The following RFTN1 variants were observed in gnomAD, a reference collection of about 807,000 sequenced individuals.
RFTN1 encodes raftlin.
In RFTN1, 26 loss-of-function variants were observed where a neutral mutation model predicts 46.5. The ratio of observed to expected loss-of-function variants is 0.56; its 90% CI spans 0.41 to 0.78. RFTN1 has a LOEUF of 0.78. Among genes scored for constraint, RFTN1 ranks in the 30% least tolerant of loss-of-function variants. The probability of loss-of-function intolerance (pLI) is 0.00; values close to 1 mark genes in which losing one functional copy is unlikely to be tolerated. For synonymous variants in RFTN1, 261 were observed against 284.2 expected (o/e 0.92, Z 0.82); for missense variants, 693 against 718.7 (o/e 0.96, Z 0.41).
rs145193073 is a variant in RFTN1, at chr3:16,461,495, G to A, written c.146-27458C>T. ...AGGAAACCCACACTAAATACCTAGG[G>A]TTTTTCTGTACTAATTGAACACACT... On this transcript the variant is annotated intron_variant, in intron 2 of 9. Transcript: ENST00000334133. Among the ~76,000 whole-genome samples, 964 of 152,162 alleles carry A rather than the reference G, an allele frequency of 6.3e-3. 15 individuals carry two copies. Among genetic ancestry groups the A allele is most frequent in the African/African-American group, 0.022 (930 of 41,474 alleles).
Position 16,387,570 on chromosome 3 carries a change from T to TCTC in RFTN1, c.442-9469_442-9468insGAG, listed in dbSNP as rs2074222998. On this transcript the variant is annotated intron_variant, in intron 4 of 9. Coordinates refer to ENST00000334133, the MANE Select transcript of RFTN1 (RefSeq NM_015150.2). This position sits in a 1 kb window ranked among gnomAD's most constrained non-coding sequence, Gnocchi z 5.2. ...CACTTCTCTCTTCTATATCCTCAATTTCTCTCTCTCTCTCTCTCTCTCTCT... is the reference window on the plus strand; with the variant it reads ...CACTTCTCTCTTCTATATCCTCAATTCTCTCTCTCTCTCTCTCTCTCTCTCTCT... Among the ~76,000 whole-genome samples, 1 of 116,416 alleles carries TCTC rather than the reference T, an allele frequency of 8.6e-6. No homozygotes were observed. The highest frequency in any genetic ancestry group is 1.7e-5 in the Non-Finnish European group (1 of 58,216). 76.4% of individuals were successfully genotyped at this position (116,416 alleles called of 152,430 possible).
Position 16,317,395 on chromosome 3 carries a change from A to G in RFTN1, c.1333-163T>C, listed in dbSNP as rs2280247. Among the ~76,000 whole-genome samples the G allele has an allele frequency of 0.25, 37,700 of 151,444 alleles. 6,224 individuals carry two copies. Among genetic ancestry groups the G allele is most frequent in the African/African-American group, 0.48 (19,742 of 41,208 alleles). ...AGGCACCAAACTTGAATCGCACACT[A>G]TCACATCACACCCACCCCAAGAGCC... On this transcript the variant is annotated intron_variant, in intron 9 of 9. Transcript: ENST00000334133. This position sits in a 1 kb window ranked among gnomAD's most constrained non-coding sequence, Gnocchi z 4.3.
Position 16,450,919 on chromosome 3 carries a change from G to A in RFTN1, c.146-16882C>T, listed in dbSNP as rs2075812928. Among the ~76,000 whole-genome samples the A allele has an allele frequency of 6.6e-6, 1 of 152,104 alleles. No individual in the cohort carries two copies. Among genetic ancestry groups the A allele is most frequent in the South Asian group, 2.1e-4 (1 of 4,828 alleles). On this transcript the variant is annotated intron_variant, in intron 2 of 9. Transcript: ENST00000334133. This position sits in a 1 kb window ranked among gnomAD's most constrained non-coding sequence, Gnocchi z 4.6. Reference sequence around the variant, plus strand: ...TGGTGACTTTCACCACTTGGTTTTGGTCCTGTTGACTACAGAGGGCCTCTG... The same window carrying A: ...TGGTGACTTTCACCACTTGGTTTTGATCCTGTTGACTACAGAGGGCCTCTG...
chr3:16,496,396 G>T (rs1328045529), intron 1 of RFTN1, among the ~76,000 whole-genome samples: 1 of 152,190 alleles, frequency 6.6e-6, no homozygotes, highest in Non-Finnish European at 1.5e-5. Context: ...ATAAGGAAAA[G>T]ATACACTACC....
rs1262197235 is a variant in RFTN1 at position 16,345,843 on chromosome 3, C to T, written c.1146+12089G>A. ...GCGCGCGCGCGTGCGCGCACGCGCA[C>T]ATGTGCATGTGTATGTGTATAATCT... On this transcript the variant is annotated intron_variant, in intron 7 of 9. Transcript: ENST00000334133. This position sits in a 1 kb window ranked among gnomAD's most constrained non-coding sequence, Gnocchi z 5.2. Among the ~76,000 whole-genome samples, 3 of 77,528 alleles carry T rather than the reference C, an allele frequency of 3.9e-5. No individual in the cohort carries two copies. Among genetic ancestry groups the T allele is most frequent in the African/African-American group, 1.3e-4 (2 of 15,074 alleles). The allele number at this position is 77,528 out of a possible 152,430, so 50.9% of individuals were successfully genotyped here. A position where few individuals can be genotyped will look rare whatever the true frequency, so the allele number is the denominator to read the frequency against.
In RFTN1 at chr3:16,344,839, G is replaced by T. The variant is rs545254434; in HGVS notation, c.1146+13093C>A. Among the ~76,000 whole-genome samples, 5 of 152,236 alleles carry T rather than the reference G, an allele frequency of 3.3e-5. 1 individual carries two copies. In the East Asian group the frequency reaches 9.6e-4, roughly 29 times the overall value. On this transcript the variant is annotated intron_variant, in intron 7 of 9. Coordinates refer to ENST00000334133, the MANE Select transcript of RFTN1 (RefSeq NM_015150.2). This position sits in a 1 kb window ranked among gnomAD's most constrained non-coding sequence, Gnocchi z 4.4. ...TGAATTTCAAAGAACATATTTCAAG[G>T]AGTGGTAGTGAGTGAACACATAACT...
chr3:16,486,242 A>G (rs1313604375), intron 2 of RFTN1, among the ~76,000 whole-genome samples: 2 of 151,782 alleles, frequency 1.3e-5, no homozygotes, highest in Admixed American at 6.6e-5. Context: ...TGGTTTCTAT[A>G]TGTTTCCCCT....
chr3:16,469,577 G>A (rs533675630), intron 2 of RFTN1, among the ~76,000 whole-genome samples: 8 of 152,166 alleles, frequency 5.3e-5, no homozygotes, highest in African/African-American at 1.9e-4. Context: ...CGCAAAGTGG[G>A]ACTCCAGGAT....
chr3:16,436,926 G>A (rs534930893), intron 2 of RFTN1, among the ~76,000 whole-genome samples: 3 of 152,228 alleles, frequency 2.0e-5, no homozygotes, highest in South Asian at 2.1e-4. Flanking sequence ...TTAAAAATCA[G>A]CTCAGTAAAT....
In RFTN1 at chr3:16,479,181, G is replaced by GGA; in HGVS notation, c.145+14542_145+14543dup. On this transcript the variant is annotated intron_variant, in intron 2 of 9. Transcript: ENST00000334133. This position sits in a 1 kb window ranked among gnomAD's most constrained non-coding sequence, Gnocchi z 5.1. The stretch of plus-strand genomic sequence containing the variant: ...AGTACTCTAACATTCCTTGCAGGTA[G>GGA]GAGAACAAAACCTTGGCTGGTTCAC... Among the ~76,000 whole-genome samples the GGA allele has an allele frequency of 6.6e-6, 1 of 152,266 alleles. No homozygotes were observed. Among genetic ancestry groups the GGA allele is most frequent in the Non-Finnish European group, 1.5e-5 (1 of 68,008 alleles).
At chr3:16,331,449 T>C (rs2070301330) in intron 7 of RFTN1, among the ~76,000 whole-genome samples, 1 of 152,230 alleles carries the variant, frequency 6.6e-6, no homozygotes, top group African/African-American at 2.4e-5. Context: ...TTTGCAAATA[T>C]TGCTCAATGC....
intron 2 of RFTN1, among the ~76,000 whole-genome samples, chr3:16,456,052 C>G (rs1184947225): frequency 1.4e-5 from 2 of 146,270 alleles, no homozygotes; most frequent in South Asian, 2.2e-4. Flanking sequence ...TGATCAAGGA[C>G]AGCAAATGAA....
chr3:16,463,377 C>A (rs914067901), intron 2 of RFTN1, among the ~76,000 whole-genome samples: 1 of 152,180 alleles, frequency 6.6e-6, no homozygotes, highest in African/African-American at 2.4e-5. Context: ...ATTTTTCCCT[C>A]TTTGCATTTC....
rs1205731774 is a variant in RFTN1 at position 16,404,370 on chromosome 3, TAATA to T, written c.441+5001_441+5004del. 3.1e-4 allele frequency among the ~76,000 whole-genome samples: 8 copies of T among 26,016 alleles called. 2 individuals carry two copies. Among genetic ancestry groups the T allele is most frequent in the Admixed American group, 2.3e-3 (3 of 1,304 alleles). The allele number at this position is 26,016 out of a possible 152,430, so 17.1% of individuals were successfully genotyped here. A position where few individuals can be genotyped will look rare whatever the true frequency, so the allele number is the denominator to read the frequency against. On this transcript the variant is annotated intron_variant, in intron 4 of 9. Transcript: ENST00000334133. ...ATATATAATATATATACACAATATA[TAATA>T]TATATAATATATAATATATATACAA...
At chr3:16,439,878 C>T (rs932228949) in intron 2 of RFTN1, among the ~76,000 whole-genome samples, 2 of 152,122 alleles carry the variant, frequency 1.3e-5, no homozygotes, top group African/African-American at 4.8e-5. Flanking sequence ...GGAGAGAAAA[C>T]TAACGTTTTA....
rs1031516943 is a variant in RFTN1, at chr3:16,424,497, A to C, written c.332+9354T>G. Among the ~76,000 whole-genome samples the C allele has an allele frequency of 6.6e-6, 1 of 152,362 alleles. No homozygotes were observed. Among genetic ancestry groups the C allele is most frequent in the African/African-American group, 2.4e-5 (1 of 41,598 alleles). The stretch of plus-strand genomic sequence containing the variant: ...ATTAATTATAATACCGAAAACATAC[A>C]GGAACAAAGCAAAGTGCTCTCAGAC... On this transcript the variant is annotated intron_variant, in intron 3 of 9. Coordinates refer to ENST00000334133, the MANE Select transcript of RFTN1 (RefSeq NM_015150.2). The surrounding 1 kb of genome is among the most constrained non-coding windows in gnomAD (Gnocchi z 4.7).
Position 16,480,998 on chromosome 3 carries a change from G to GACACAC in RFTN1, c.145+12721_145+12726dup, listed in dbSNP as rs34945684. Among the ~76,000 whole-genome samples the GACACAC allele has an allele frequency of 0.055, 8,071 of 145,796 alleles. 372 individuals are homozygous for GACACAC. Among genetic ancestry groups the GACACAC allele is most frequent in the East Asian group, 0.21 (1,003 of 4,876 alleles). On this transcript the variant is annotated intron_variant, in intron 2 of 9. Transcript: ENST00000334133. The surrounding 1 kb of genome is among the most constrained non-coding windows in gnomAD (Gnocchi z 4.3). ...ATATGCACATGCACACACACACACAGACACACACACACACACACACACACA... is the reference window on the plus strand; with the variant it reads ...ATATGCACATGCACACACACACACAGACACACACACACACACACACACACACACACA...
chr3:16,357,677 A>T (rs1442070925), intron 7 of RFTN1, among the ~76,000 whole-genome samples: 2 of 152,122 alleles, frequency 1.3e-5, no homozygotes, highest in East Asian at 3.9e-4. Context: ...ATGGAAGACA[A>T]CTCTCCTTCC....
intron 8 of RFTN1, among the ~76,000 whole-genome samples, chr3:16,326,158 TA>T (rs2069667374): frequency 6.6e-6 from 1 of 152,220 alleles, no homozygotes; most frequent in South Asian, 2.1e-4. Context: ...GAGGGCCTTT[TA>T]TGGTTGGTGT....
Sources: gnomAD v4.1 joint callset for allele counts (sites outside exome capture counted in the v4.1 genomes callset) on GRCh38, gnomAD v4.1.1 for gene constraint, Gnocchi (gnomAD v3.1) non-coding constraint, MANE v1.5 for transcripts, NCBI Gene and HGNC (gene_info 2026-07-23, HGNC 2026-07-21) for gene names.